The following JARID2 variants were observed in gnomAD, a reference collection of about 807,000 sequenced individuals.
JARID2 encodes protein Jumonji.
JARID2 carries 21 observed loss-of-function variants against 125.6 expected under a neutral mutation model. The ratio of observed to expected loss-of-function variants is 0.17; its 90% CI spans 0.12 to 0.24. The LOEUF (loss-of-function observed/expected upper bound fraction) is 0.24. JARID2 is among the 10% of genes least tolerant of loss of function. JARID2 has a pLI of 1.00. For missense variants in JARID2, 1,303 were observed against 1,639.6 expected (o/e 0.79, Z 3.55); for synonymous variants, 736 against 661.6 (o/e 1.11, Z -1.73).
chr6:15,501,466 G>A, intron 8 of JARID2, 57 bp downstream of exon 8: 1 of 1,477,748 alleles, frequency 6.8e-7, no homozygotes, highest in Non-Finnish European at 9.0e-7. Flanking sequence ...AGGAATGAGA[G>A]AGGAAGTGGA....
At chr6:15,322,031 T>G (rs947985911) in intron 1 of JARID2, among the ~76,000 whole-genome samples, 2 of 152,072 alleles carry the variant, frequency 1.3e-5, no homozygotes, top group African/African-American at 2.4e-5. Flanking sequence ...GACTTCGTTG[T>G]TCGCCTGCCT....
intron 1 of JARID2, among the ~76,000 whole-genome samples, chr6:15,286,841 G>T (rs1191694447): frequency 6.9e-6 from 1 of 145,486 alleles, no homozygotes; most frequent in African/African-American, 2.5e-5. Context: ...CAGCCTGGGC[G>T]ACAGAGCGAG....
Position 15,504,680 on chromosome 6 carries a change from C to G in JARID2, c.2541+88C>G, listed in dbSNP as rs1008898615. On this transcript the variant is annotated intron_variant, in intron 9 of 17. Transcript: ENST00000341776. ...ACATCCTGTCCTGCCCTGACCCCTG[C>G]AGCTCGGTGAACGGAAAGGACTCAG... 11 of 828,824 alleles carry G rather than the reference C, an allele frequency of 1.3e-5. No homozygotes were observed. In the South Asian group the frequency reaches 1.5e-4, roughly 12 times the overall value. 51.3% of individuals were successfully genotyped at this position (828,824 alleles called of 1,614,324 possible).
chr6:15,337,196 T>G (rs2127463268), intron 1 of JARID2, among the ~76,000 whole-genome samples: 2 of 152,320 alleles, frequency 1.3e-5, no homozygotes, highest in South Asian at 4.1e-4. Context: ...ACCTTGTCTC[T>G]TCTCTCTCTT....
chr6:15,516,629 T>C (rs181697951), intron 16 of JARID2, among the ~76,000 whole-genome samples: 80 of 152,338 alleles, frequency 5.3e-4, no homozygotes, highest in African/African-American at 1.9e-3. Flanking sequence ...CGCCGCTTGC[T>C]CTGTTGACTG....
intron 2 of JARID2, among the ~76,000 whole-genome samples, chr6:15,376,266 G>A (rs1349094327): frequency 1.3e-5 from 2 of 152,198 alleles, no homozygotes; most frequent in East Asian, 1.9e-4. Context: ...TTCTCTTTGG[G>A]TTGTGAAATT....
intron 2 of JARID2, among the ~76,000 whole-genome samples, chr6:15,376,194 A>G (rs1369555316): frequency 6.6e-6 from 1 of 152,186 alleles, no homozygotes; most frequent in Non-Finnish European, 1.5e-5. Context: ...TTGTCATGGT[A>G]GTTTGCTTTT....
At chr6:15,419,947 C>T (rs1766410126) in intron 3 of JARID2, among the ~76,000 whole-genome samples, 1 of 152,162 alleles carries the variant, frequency 6.6e-6, no homozygotes, top group African/African-American at 2.4e-5. Flanking sequence ...TTTTCGTGTG[C>T]ATTCGTCTCC....
intron 3 of JARID2, among the ~76,000 whole-genome samples, chr6:15,439,837 C>T (rs1421903404): frequency 1.3e-5 from 2 of 152,206 alleles, no homozygotes; most frequent in Admixed American, 1.3e-4. Context: ...AGTCTCACCC[C>T]TGGGAGTTTC....
At chr6:15,285,751 A>G (rs531388865) in intron 1 of JARID2, among the ~76,000 whole-genome samples, 16 of 152,326 alleles carry the variant, frequency 1.1e-4, no homozygotes, top group Non-Finnish European at 2.1e-4. Flanking sequence ...GTCATTCCAC[A>G]TTGCATACAG....
rs1424028234 is a variant in JARID2 at position 15,246,105 on chromosome 6, C to G, written c.-435C>G. Among the ~76,000 whole-genome samples the G allele has an allele frequency of 6.6e-6, 1 of 152,210 alleles. No individual in the cohort carries two copies. Among genetic ancestry groups the G allele is most frequent in the African/African-American group, 2.4e-5 (1 of 41,454 alleles). ...TTCTGCTCGCACTGCTGCTGCAGCA[C>G]AAACGTGACTTCCAACATTTTTTAT... On this transcript the variant is annotated 5_prime_UTR_variant, in exon 1 of 18. Transcript: ENST00000341776.
intron 3 of JARID2, among the ~76,000 whole-genome samples, chr6:15,414,585 C>G (rs558359104): frequency 2.0e-5 from 3 of 152,248 alleles, no homozygotes; most frequent in Non-Finnish European, 1.5e-5. Context: ...ATCTGAGATG[C>G]CTCTTTACAA....
At chr6:15,374,034 C>G in intron 1 of JARID2, 83 bp from the exon 2 acceptor site, 1 of 1,514,182 alleles carries the variant, frequency 6.6e-7, no homozygotes, top group South Asian at 1.2e-5. Context: ...TTCGGAAATT[C>G]CTTTAAAATA....
At chr6:15,411,455 C>T (rs1443465382) in intron 3 of JARID2, among the ~76,000 whole-genome samples, 1 of 152,182 alleles carries the variant, frequency 6.6e-6, no homozygotes, top group Non-Finnish European at 1.5e-5. Flanking sequence ...GTATTCTTCT[C>T]TCATTTTCTC....
In JARID2 at chr6:15,516,550, A is replaced by AT. The variant is rs1771571290; in HGVS notation, c.3451-610dup. Reference sequence around the variant, plus strand: ...GGGGCCGGGGCTGGTGGGTGAGGTCATCGGCGTCACAGCGGTCAGGAATCT... The same window carrying AT: ...GGGGCCGGGGCTGGTGGGTGAGGTCATTCGGCGTCACAGCGGTCAGGAATCT... On this transcript the variant is annotated intron_variant, in intron 16 of 17. Transcript: ENST00000341776. 3.9e-5 allele frequency among the ~76,000 whole-genome samples: 6 copies of AT among 152,194 alleles called. No individual in the cohort carries two copies. The South Asian group carries it at 1.2e-3, about 31-fold the overall frequency.
Position 15,487,546 on chromosome 6 carries a change from A to G in JARID2, c.906+4A>G. 6.3e-7 allele frequency: 1 copy of G among 1,597,884 alleles called. No homozygotes were observed. Among genetic ancestry groups the G allele is most frequent in the Non-Finnish European group, 8.6e-7 (1 of 1,168,992 alleles). ...GGCTCAGGACTTACGGAAACAGGTA[A>G]AGTCCAGCAGGGGTGCCTACATGTG... On this transcript the variant is annotated splice_donor_region_variant and intron_variant, in intron 6 of 17. Coordinates refer to ENST00000341776, the MANE Select transcript of JARID2 (RefSeq NM_004973.4).
Position 15,397,400 on chromosome 6 carries a change from G to A in JARID2, c.182-12824G>A, listed in dbSNP as rs184353214. Among the ~76,000 whole-genome samples, 395 of 152,064 alleles carry A rather than the reference G, an allele frequency of 2.6e-3. 2 individuals carry two copies. Among genetic ancestry groups the A allele is most frequent in the Non-Finnish European group, 4.4e-3 (296 of 67,984 alleles). ...AACCTTGTACTCTCTTCTATCATAC[G>A]ACAATCCACACCACCCTACCCCTCC... On this transcript the variant is annotated intron_variant, in intron 2 of 17. Transcript: ENST00000341776.
chr6:15,328,698 T>G (rs1762610294), intron 1 of JARID2, among the ~76,000 whole-genome samples: 1 of 152,232 alleles, frequency 6.6e-6, no homozygotes. Context: ...AGTCAAAATG[T>G]GTGTCTGTGG....
intron 1 of JARID2, among the ~76,000 whole-genome samples, chr6:15,254,681 A>G (rs773428954): frequency 7.9e-5 from 12 of 152,228 alleles, no homozygotes; most frequent in Non-Finnish European, 1.8e-4. Context: ...GAGGAAGGCC[A>G]GTGAACACTG....
Sources: allele counts gnomAD v4.1 joint callset (sites outside exome capture counted in the v4.1 genomes callset), GRCh38; gene constraint gnomAD v4.1.1; transcripts MANE v1.5; gene names NCBI Gene and HGNC (gene_info 2026-07-23, HGNC 2026-07-21).